INSL6: variants seen among roughly 807,000 people sequenced by gnomAD.
INSL6 encodes the protein insulin-like peptide INSL6.
A neutral mutation model predicts 9.4 loss-of-function variants in INSL6; 16 were observed. The ratio of observed to expected loss-of-function variants is 1.70; its 90% CI spans 1.15 to 2.59. The LOEUF is 2.59. Among genes scored for constraint, INSL6 ranks in the 30% most tolerant of loss-of-function variants. The pLI is 0.00. For missense variants in INSL6, 391 were observed against 257.3 expected, an observed-to-expected ratio of 1.52 and a Z score of -3.56; for synonymous variants, 154 against 96.9, an observed-to-expected ratio of 1.59 and a Z score of -3.46.
the INSL6 span, chr9:5,114,140 CT>C: frequency 2.5e-6 from 1 of 394,170 alleles, no homozygotes; most frequent in Non-Finnish European, 5.1e-6. Flanking sequence ...AAGGTAACAC[CT>C]TTGAGGACAG....
At chr9:5,132,501 C>A (rs1356268362) in intron 3 of INSL6, among the ~76,000 whole-genome samples, 1 of 151,592 alleles carries the variant, frequency 6.6e-6, no homozygotes, top group East Asian at 1.9e-4. Flanking sequence ...GTTGCTCCAA[C>A]AACTTAGCTG....
the INSL6 span, chr9:5,112,176 G>A: frequency 3.0e-5 from 8 of 267,246 alleles, no homozygotes; most frequent in Middle Eastern, 1.4e-3. Flanking sequence ...CCGGCCACCG[G>A]GCGCTGGCCT....
chr9:5,156,189 A>G lies in INSL6; in HGVS notation c.376+7990T>C, dbSNP rs1042161241. 6.1e-4 allele frequency among the ~76,000 whole-genome samples: 93 copies of G among 152,342 alleles called. 1 individual carries two copies. Among genetic ancestry groups the G allele is most frequent in the Non-Finnish European group, 5.1e-4 (35 of 68,030 alleles). On this transcript the variant is annotated intron_variant, in intron 2 of 3. Transcript: ENST00000649639. ...AGATACAGAAAATCTAAGTAGATCT[A>G]TAACTTTTCAAAAATTTAATTTGTA...
chr9:5,148,758 A>C (rs1028897949), intron 2 of INSL6, among the ~76,000 whole-genome samples: 2 of 152,128 alleles, frequency 1.3e-5, no homozygotes, highest in Non-Finnish European at 2.9e-5. Flanking sequence ...TCCCTTTTCC[A>C]GACATTTGGG....
intron 1 of INSL6, among the ~76,000 whole-genome samples, chr9:5,172,239 A>C (rs1376082663): frequency 6.6e-6 from 1 of 152,184 alleles, no homozygotes; most frequent in Non-Finnish European, 1.5e-5. Flanking sequence ...GCAATGGGCA[A>C]AGGATCCGCT....
At chr9:5,041,179 C>T in the INSL6 span, 1 of 1,320,150 alleles carries the variant, frequency 7.6e-7, no homozygotes. Flanking sequence ...ACACCAAGAA[C>T]CTCATTTACC....
chr9:5,175,498 T>C (rs1213003192), intron 1 of INSL6, among the ~76,000 whole-genome samples: 1 of 152,068 alleles, frequency 6.6e-6, no homozygotes, highest in Admixed American at 6.5e-5. Flanking sequence ...CAAAACAAAG[T>C]CTTTAAAATG....
the INSL6 span, chr9:5,041,178 A>G: frequency 2.3e-6 from 3 of 1,283,672 alleles, no homozygotes; most frequent in South Asian, 1.2e-5. Flanking sequence ...CACACCAAGA[A>G]CCTCATTTAC....
chr9:5,178,620 A>G (rs909207302), intron 1 of INSL6, among the ~76,000 whole-genome samples: 2 of 152,340 alleles, frequency 1.3e-5, no homozygotes, highest in East Asian at 1.9e-4. Context: ...CTACAAGGCT[A>G]CAGTAACCAC....
rs117790632 is a variant in INSL6, at chr9:5,175,460, A to G, written c.289+9854T>C. On this transcript the variant is annotated intron_variant, in intron 1 of 1. Transcript: ENST00000381641. Reference sequence around the variant, plus strand: ...GTCAATTATGTCACTTCTCTGCTCAAAAATCTTAATGACTCCTTGCATCAC... The same window carrying G: ...GTCAATTATGTCACTTCTCTGCTCAGAAATCTTAATGACTCCTTGCATCAC... Among the ~76,000 whole-genome samples the G allele has an allele frequency of 1.2e-4, 18 of 152,260 alleles. No homozygotes were observed. In the East Asian group the frequency reaches 2.3e-3, roughly 20 times the overall value.
chr9:5,060,960 T>C, the INSL6 span, among the ~76,000 whole-genome samples: 1 of 152,222 alleles, frequency 6.6e-6, no homozygotes, highest in Non-Finnish European at 1.5e-5. Flanking sequence ...GAAAATAACA[T>C]GAATATCCTT....
the INSL6 span, among the ~76,000 whole-genome samples, chr9:5,010,095 A>T: frequency 6.6e-6 from 1 of 152,024 alleles, no homozygotes; most frequent in Admixed American, 6.6e-5. Flanking sequence ...AATAGAGTCT[A>T]TTTCCTCTAC....
At chr9:5,183,438 A>G (rs1463149860) in intron 1 of INSL6, among the ~76,000 whole-genome samples, 2 of 152,208 alleles carry the variant, frequency 1.3e-5, no homozygotes, top group Admixed American at 6.5e-5. Flanking sequence ...GTTTCATTGC[A>G]GCTTCCTGCT....
At chr9:5,070,080 T>A in the INSL6 span, 1 of 1,518,424 alleles carries the variant, frequency 6.6e-7, no homozygotes, top group Non-Finnish European at 9.0e-7. Flanking sequence ...CATTACTGTC[T>A]TTTTTGTCCT....
intron 2 of INSL6, among the ~76,000 whole-genome samples, chr9:5,148,806 C>T (rs532947129): frequency 6.6e-6 from 1 of 152,152 alleles, no homozygotes; most frequent in Non-Finnish European, 1.5e-5. Flanking sequence ...CAAAGGTTTC[C>T]CAGGCTGTCA....
chr9:5,067,142 C>T, the INSL6 span, among the ~76,000 whole-genome samples: 3 of 151,996 alleles, frequency 2.0e-5, no homozygotes, highest in Non-Finnish European at 2.9e-5. Flanking sequence ...CAAAATAAAT[C>T]GGAAGCAAAT....
the INSL6 span, among the ~76,000 whole-genome samples, chr9:5,022,987 C>T: frequency 6.6e-6 from 1 of 152,084 alleles, no homozygotes; most frequent in Non-Finnish European, 1.5e-5. Flanking sequence ...TCAGAATAAC[C>T]ATTAACTGTA....
chr9:5,157,062 A>AT lies in INSL6; in HGVS notation c.376+7116dup, dbSNP rs528156283. ...AATGCTTAGAGGTACATTTAACAACATATGTATTATAACTGTACATTAAAA... is the reference window on the plus strand; with the variant it reads ...AATGCTTAGAGGTACATTTAACAACATTATGTATTATAACTGTACATTAAAA... On this transcript the variant is annotated intron_variant, in intron 2 of 3. Transcript: ENST00000649639. Among the ~76,000 whole-genome samples the AT allele has an allele frequency of 4.6e-5, 7 of 152,224 alleles. No homozygotes were observed. In the East Asian group the frequency reaches 1.3e-3, roughly 29 times the overall value.
At chr9:5,048,350 C>G in the INSL6 span, among the ~76,000 whole-genome samples, 1 of 151,972 alleles carries the variant, frequency 6.6e-6, no homozygotes, top group African/African-American at 2.4e-5. Flanking sequence ...ACTATGTTGG[C>G]CAGGCTGGTC....
Sources: allele counts gnomAD v4.1 joint callset (sites outside exome capture counted in the v4.1 genomes callset), GRCh38; gene constraint gnomAD v4.1.1; transcripts MANE v1.5; gene names NCBI Gene and HGNC (gene_info 2026-07-23, HGNC 2026-07-21).